CCDC25: variants seen among roughly 807,000 people sequenced by gnomAD.
The protein encoded by CCDC25 is coiled-coil domain-containing protein 25.
A neutral mutation model predicts 35.3 loss-of-function variants in CCDC25; 16 were observed. That is an observed-to-expected ratio of 0.45 (90% CI 0.31 to 0.69). The LOEUF (loss-of-function observed/expected upper bound fraction) is 0.69, where lower values mean the gene tolerates loss of function less well. Ranked by LOEUF, CCDC25 falls within the 30% of genes least tolerant of loss-of-function variation. The pLI, the probability that CCDC25 is intolerant of heterozygous loss-of-function variation, is 0.06. For missense variants in CCDC25, 179 were observed against 250.7 expected, an observed-to-expected ratio of 0.71 and a Z score of 1.93; for synonymous variants, 79 against 80.3, an observed-to-expected ratio of 0.98 and a Z score of 0.09.
intron 8 of CCDC25, among the ~76,000 whole-genome samples, chr8:27,740,197 G>A (rs1186490628): frequency 6.6e-6 from 1 of 152,116 alleles, no homozygotes; most frequent in Non-Finnish European, 1.5e-5. Context: ...AAAGAATAAA[G>A]TCCTGTAAAT....
At chr8:27,745,576 T>G (rs1803575838) in intron 7 of CCDC25, among the ~76,000 whole-genome samples, 1 of 152,130 alleles carries the variant, frequency 6.6e-6, no homozygotes, top group South Asian at 2.1e-4. Flanking sequence ...AGACAGAAAT[T>G]AAAGTGAATG....
chr8:27,765,705 T>C (rs754239644), intron 1 of CCDC25, among the ~76,000 whole-genome samples: 1 of 152,142 alleles, frequency 6.6e-6, no homozygotes, highest in Non-Finnish European at 1.5e-5. Context: ...TTGTGCATAA[T>C]TGTTTTTAGC....
chr8:27,766,829 G>T (rs1162611329), intron 1 of CCDC25, among the ~76,000 whole-genome samples: 1 of 151,310 alleles, frequency 6.6e-6, no homozygotes, highest in Non-Finnish European at 1.5e-5. Context: ...CCATTAAAAA[G>T]AAACGGCAGG....
chr8:27,765,965 C>A (rs1405533926), intron 1 of CCDC25, among the ~76,000 whole-genome samples: 1 of 152,206 alleles, frequency 6.6e-6, no homozygotes, highest in Non-Finnish European at 1.5e-5. Context: ...AAACAACTAT[C>A]CTAACTCAAA....
At chr8:27,744,451 G>A (rs1803540033) in intron 7 of CCDC25, among the ~76,000 whole-genome samples, 1 of 152,194 alleles carries the variant, frequency 6.6e-6, no homozygotes, top group Non-Finnish European at 1.5e-5. Flanking sequence ...TACAGTAGAA[G>A]GCAGTGGCAG....
Position 27,735,787 on chromosome 8 carries a change from A to T in CCDC25, c.*429T>A, listed in dbSNP as rs113447699. The T allele has an allele frequency of 8.7e-3, 1,356 of 155,618 alleles. 18 individuals are homozygous for T. The highest frequency in any genetic ancestry group is 0.031 in the African/African-American group (1,278 of 41,638). The allele number at this position is 155,618 out of a possible 1,614,324, so 9.6% of individuals were successfully genotyped here. A position where few individuals can be genotyped will look rare whatever the true frequency, so the allele number is the denominator to read the frequency against. ...AAATCAGGGACAGGGAAACATTCGC[A>T]TAATTACCCACCAACATGTTCTTCT... On this transcript the variant is annotated 3_prime_UTR_variant, in exon 9 of 9. Transcript: ENST00000356537.
At chr8:27,743,845 G>T (rs913908727) in intron 7 of CCDC25, among the ~76,000 whole-genome samples, 1 of 152,162 alleles carries the variant, frequency 6.6e-6, no homozygotes, top group Non-Finnish European at 1.5e-5. Context: ...AGTGGGCTAT[G>T]ATGGCACCCC....
chr8:27,748,712 G>T, intron 5 of CCDC25, 114 bp from the exon 6 acceptor site: 1 of 729,564 alleles, frequency 1.4e-6, no homozygotes, highest in Non-Finnish European at 2.4e-6. Flanking sequence ...GAACGAACAG[G>T]CCACCCCTTG....
intron 8 of CCDC25, among the ~76,000 whole-genome samples, chr8:27,740,166 C>T (rs1482231766): frequency 6.6e-6 from 1 of 152,108 alleles, no homozygotes; most frequent in Non-Finnish European, 1.5e-5. Flanking sequence ...TGCATGCCTG[C>T]AACCAGAAAA....
Position 27,735,218 on chromosome 8 carries a change from C to G in CCDC25, c.*998G>C, listed in dbSNP as rs1206273140. The stretch of plus-strand genomic sequence containing the variant: ...CCTCAGGGAATTTTCCAGTTCAACC[C>G]CATACACCAACATGGAATAAATGGA... On this transcript the variant is annotated 3_prime_UTR_variant, in exon 9 of 9. Transcript: ENST00000356537. 1 of 152,566 alleles carries G rather than the reference C, an allele frequency of 6.6e-6. No homozygotes were observed. The highest frequency in any genetic ancestry group is 1.5e-5 in the Non-Finnish European group (1 of 68,032). 9.5% of individuals were successfully genotyped at this position (152,566 alleles called of 1,614,324 possible). A position where few individuals can be genotyped will look rare whatever the true frequency, so the allele number is the denominator to read the frequency against.
chr8:27,744,412 C>T lies in CCDC25; in HGVS notation c.551+3665G>A, dbSNP rs184895043. ...TCCCTGAAGGACCTCACAGGTAACA[C>T]GAAGAGGCACAGCACACACAGCATT... is the stretch of plus-strand genomic sequence containing the variant. On this transcript the variant is annotated intron_variant, in intron 7 of 8. Coordinates refer to ENST00000356537, the MANE Select transcript of CCDC25 (RefSeq NM_018246.3). Among the ~76,000 whole-genome samples the T allele has an allele frequency of 1.2e-3, 181 of 152,194 alleles. 1 individual carries two copies. The highest frequency in any genetic ancestry group is 1.2e-4 in the Non-Finnish European group (8 of 68,018).
chr8:27,765,157 C>A, intron 2 of CCDC25, 47 bp downstream of exon 2: 2 of 1,476,418 alleles, frequency 1.4e-6, no homozygotes, highest in Non-Finnish European at 1.8e-6. Context: ...TGAGAGATAA[C>A]ACTTACCTGC....
At chr8:27,759,060 T>C (rs895384674) in intron 3 of CCDC25, among the ~76,000 whole-genome samples, 1 of 152,216 alleles carries the variant, frequency 6.6e-6, no homozygotes. Context: ...TCTCCAATCT[T>C]TCTAAACATT....
chr8:27,768,452 C>A (rs2128948051), intron 1 of CCDC25, among the ~76,000 whole-genome samples: 1 of 151,258 alleles, frequency 6.6e-6, no homozygotes, highest in South Asian at 2.1e-4. Context: ...GTAATCCCAG[C>A]TACTAAGGAG....
intron 2 of CCDC25, among the ~76,000 whole-genome samples, chr8:27,763,125 G>C (rs1337558033): frequency 6.6e-6 from 1 of 151,982 alleles, no homozygotes. Context: ...AGTTCTTTGG[G>C]AACAATGACT....
intron 3 of CCDC25, among the ~76,000 whole-genome samples, chr8:27,760,426 T>G (rs553446963): frequency 6.6e-5 from 10 of 152,248 alleles, no homozygotes; most frequent in African/African-American, 1.7e-4. Flanking sequence ...AGTCTGGAGA[T>G]CTTTAAAAAC....
At chr8:27,753,693 A>C (rs148726785) in intron 4 of CCDC25, among the ~76,000 whole-genome samples, 5 of 152,382 alleles carry the variant, frequency 3.3e-5, no homozygotes, top group Non-Finnish European at 7.3e-5. Context: ...CCCAAAGAAG[A>C]CATTAATCTG....
chr8:27,756,059 A>G (rs543977733), intron 4 of CCDC25, among the ~76,000 whole-genome samples: 96 of 152,318 alleles, frequency 6.3e-4, no homozygotes, highest in African/African-American at 2.1e-3. Context: ...CCATAGTAAT[A>G]TAAGATGTTG....
rs377202476 is a variant in CCDC25, at chr8:27,752,518, T to A, written c.238A>T (p.Ile80Phe). The A allele has an allele frequency of 3.3e-5, 54 of 1,612,162 alleles. No homozygotes were observed. Among genetic ancestry groups the A allele is most frequent in the Non-Finnish European group, 4.3e-5 (51 of 1,178,482 alleles). ...CACCTCTAGGAAAACTGACCTTGAA[T>A]GCTATTGGCCTTCACAAGGTGGGCA... The part of the protein sequence containing the change: ...DCAHLVKANS[I>F]QGCKMNNVNV... Residue 80 changes from isoleucine (I) to phenylalanine (F), a missense_variant, in exon 5 of 9, where the codon ATT becomes TTT. By Grantham distance (21) the Ile-to-Phe change is conservative. Transcript: ENST00000356537.
Sources: allele counts gnomAD v4.1 joint callset (sites outside exome capture counted in the v4.1 genomes callset), GRCh38; gene constraint gnomAD v4.1.1; transcripts MANE v1.5; gene names NCBI Gene and HGNC (gene_info 2026-07-23, HGNC 2026-07-21).